EYS: variants seen among roughly 807,000 people sequenced by gnomAD.
EYS encodes protein eyes shut homolog.
EYS carries 250 observed loss-of-function variants against 282.1 expected under a neutral mutation model. That is an observed-to-expected ratio of 0.89 (90% confidence interval 0.80 to 0.98). The LOEUF (loss-of-function observed/expected upper bound fraction) is 0.98, where lower values mean the gene tolerates loss of function less well. Ranked by LOEUF, EYS falls within the 50% of genes least tolerant of loss-of-function variation. EYS has a pLI of 0.00. For synonymous variants in EYS, 1,355 were observed against 1,282.9 expected, an observed-to-expected ratio of 1.06 and a Z score of -1.20; for missense variants, 4,016 against 3,709.0, an observed-to-expected ratio of 1.08 and a Z score of -2.15.
At chr6:65,220,019 C>T (rs865793900) in intron 12 of EYS, among the ~76,000 whole-genome samples, 3 of 152,028 alleles carry the variant, frequency 2.0e-5, no homozygotes, top group African/African-American at 2.4e-5. Flanking sequence ...TAAAGGCAAA[C>T]CATATCAATA....
intron 12 of EYS, among the ~76,000 whole-genome samples, chr6:65,231,101 TTATATATATGTATTTA>T (rs1004837025): frequency 4.8e-5 from 7 of 145,780 alleles, no homozygotes; most frequent in African/African-American, 1.7e-4. Flanking sequence ...ATATATACTT[TTATATATATGTATTTA>T]TATATATATA....
intron 12 of EYS, among the ~76,000 whole-genome samples, chr6:65,099,202 G>T (rs908525433): frequency 2.7e-5 from 4 of 150,528 alleles, no homozygotes; most frequent in African/African-American, 9.7e-5. Flanking sequence ...ATTATATGTG[G>T]CATAGGTCTT....
intron 14 of EYS, among the ~76,000 whole-genome samples, chr6:64,950,808 T>TATAC (rs1769469941): frequency 1.1e-5 from 1 of 95,024 alleles, no homozygotes; most frequent in South Asian, 3.5e-4. Flanking sequence ...CATATATATA[T>TATAC]ATATATATAT....
At chr6:64,191,461 G>A (rs777063895) in intron 31 of EYS, among the ~76,000 whole-genome samples, 65 of 147,374 alleles carry the variant, frequency 4.4e-4, no homozygotes, top group Non-Finnish European at 6.7e-4. Flanking sequence ...TAGGTATATC[G>A]TCCAGTGCTA....
intron 31 of EYS, among the ~76,000 whole-genome samples, chr6:64,094,729 A>C (rs577866141): frequency 6.6e-6 from 1 of 152,108 alleles, no homozygotes; most frequent in South Asian, 2.1e-4. Flanking sequence ...ATTTTTTTGA[A>C]GGGTTTTTTG....
In EYS at chr6:65,616,053, A is replaced by G. The variant is rs535338062; in HGVS notation, c.-333+23725T>C. ...AGTTAGAAGAACATGTTAATGCATT[A>G]GCATCAAGCATTAAACATTTACTCT... On this transcript the variant is annotated intron_variant, in intron 2 of 42. Coordinates refer to ENST00000503581, the MANE Select transcript of EYS (RefSeq NM_001142800.2). 3.4e-5 allele frequency among the ~76,000 whole-genome samples: 5 copies of G among 147,746 alleles called. No individual in the cohort carries two copies. In the South Asian group the frequency reaches 8.5e-4, roughly 25 times the overall value.
In EYS at chr6:64,873,051, G is replaced by A. The variant is rs190464292; in HGVS notation, c.2992+13646C>T. Among the ~76,000 whole-genome samples, 49 of 152,196 alleles carry A rather than the reference G, an allele frequency of 3.2e-4. No homozygotes were observed. In the East Asian group the frequency reaches 9.3e-3, roughly 29 times the overall value. On this transcript the variant is annotated intron_variant, in intron 19 of 42. Coordinates refer to ENST00000503581, the MANE Select transcript of EYS (RefSeq NM_001142800.2). The stretch of plus-strand genomic sequence containing the variant: ...TAACAAGGAACTAAAATAGAGCATT[G>A]TATTAGACTGTTTTTACACTGCTGA...
rs1768318402 is a variant in EYS, at chr6:65,284,910, A to G, written c.2023+10953T>C. ...GTTTACATAGTGTTCATGTAACAAGAGGTATTCTATTTGTAATGAAATAAA... is the reference window on the plus strand; with the variant it reads ...GTTTACATAGTGTTCATGTAACAAGGGGTATTCTATTTGTAATGAAATAAA... On this transcript the variant is annotated intron_variant, in intron 12 of 42. Coordinates refer to ENST00000503581, the MANE Select transcript of EYS (RefSeq NM_001142800.2). Among the ~76,000 whole-genome samples, 3 of 152,172 alleles carry G rather than the reference A, an allele frequency of 2.0e-5. No homozygotes were observed. In the South Asian group the frequency reaches 6.2e-4, roughly 32 times the overall value.
chr6:64,466,431 G>T (rs935869541), intron 26 of EYS, among the ~76,000 whole-genome samples: 2 of 152,116 alleles, frequency 1.3e-5, no homozygotes, highest in East Asian at 1.9e-4. Context: ...AAAAAAGGAA[G>T]AACCCCTGTC....
Position 63,860,971 on chromosome 6 carries a change from A to G in EYS, c.7228+3215T>C, listed in dbSNP as rs143871177. ...CTCTTCTATATTTTCTCCTTAGACA[A>G]TCTACAATTCTGTGGTTTTAAACAC... On this transcript the variant is annotated intron_variant, in intron 36 of 42. Coordinates refer to ENST00000503581, the MANE Select transcript of EYS (RefSeq NM_001142800.2). Among the ~76,000 whole-genome samples the G allele has an allele frequency of 7.6e-3, 1,152 of 152,092 alleles. 18 individuals carry two copies. The highest frequency in any genetic ancestry group is 0.026 in the African/African-American group (1,080 of 41,492).
intron 1 of EYS, among the ~76,000 whole-genome samples, chr6:65,649,883 A>T (rs1767591380): frequency 6.6e-6 from 1 of 152,190 alleles, no homozygotes. Flanking sequence ...TTTACATAGA[A>T]ACATACAGAA....
chr6:63,782,212 T>G (rs1271969373), intron 39 of EYS, among the ~76,000 whole-genome samples: 1 of 152,200 alleles, frequency 6.6e-6, no homozygotes, highest in African/African-American at 2.4e-5. Flanking sequence ...TAAAATTCTC[T>G]TTTTGTGTTG....
chr6:65,448,412 C>A (rs1411585270), intron 5 of EYS, among the ~76,000 whole-genome samples: 1 of 152,066 alleles, frequency 6.6e-6, no homozygotes, highest in African/African-American at 2.4e-5. Flanking sequence ...AAGCTGAAAT[C>A]ATTCTTAAAA....
At position 65,677,121 on chromosome 6, in the gene EYS, A is replaced by T. The variant is rs868192550; in HGVS notation, c.-448+30014T>A. On this transcript the variant is annotated intron_variant, in intron 1 of 42. Transcript: ENST00000503581. ...GTCATTGGTGAAAAAAAAAAAAAAAAAAAAAAGAAAGAAAGCTTTTCTGGT... is the reference window on the plus strand; with the variant it reads ...GTCATTGGTGAAAAAAAAAAAAAAATAAAAAAGAAAGAAAGCTTTTCTGGT... Among the ~76,000 whole-genome samples, 1,164 of 150,550 alleles carry T rather than the reference A, an allele frequency of 7.7e-3. 13 individuals are homozygous for T. Among genetic ancestry groups the T allele is most frequent in the African/African-American group, 0.027 (1,095 of 41,320 alleles).
At chr6:64,927,113 T>C (rs1249380384) in intron 15 of EYS, among the ~76,000 whole-genome samples, 1 of 152,146 alleles carries the variant, frequency 6.6e-6, no homozygotes, top group Non-Finnish European at 1.5e-5. Context: ...TGATTCTGCA[T>C]GAAAATTGAA....
chr6:64,474,417 C>T (rs1562014855), intron 26 of EYS, among the ~76,000 whole-genome samples: 1 of 152,072 alleles, frequency 6.6e-6, no homozygotes, highest in Non-Finnish European at 1.5e-5. Context: ...ATAAACTCAA[C>T]CTTTATTTTT....
chr6:63,840,777 C>T (rs1771935193), intron 36 of EYS, among the ~76,000 whole-genome samples: 1 of 152,080 alleles, frequency 6.6e-6, no homozygotes, highest in Non-Finnish European at 1.5e-5. Context: ...TTTCCCAGCA[C>T]CATTTATTGA....
intron 2 of EYS, among the ~76,000 whole-genome samples, chr6:65,623,274 G>A (rs145468537): frequency 1.3e-4 from 20 of 152,216 alleles, no homozygotes; most frequent in African/African-American, 3.4e-4. Context: ...AGGGGACAGC[G>A]AAGTCATCAT....
chr6:64,306,133 C>CATT (rs34898184), intron 30 of EYS, among the ~76,000 whole-genome samples: 20,785 of 151,886 alleles, frequency 0.14, 3,479 homozygotes, highest in African/African-American at 0.4. Flanking sequence ...TGCTCAATAA[C>CATT]AATAATTAGG....
Sources: gnomAD v4.1 joint callset for allele counts (sites outside exome capture counted in the v4.1 genomes callset) on GRCh38, gnomAD v4.1.1 for gene constraint, MANE v1.5 for transcripts, NCBI Gene and HGNC (gene_info 2026-07-23, HGNC 2026-07-21) for gene names.